The following SMARCA5 variants were observed in gnomAD, a reference collection of about 807,000 sequenced individuals.
SMARCA5 encodes SNF2 related chromatin remodeling ATPase 5.
SMARCA5 carries 18 observed loss-of-function variants against 140.4 expected under a neutral mutation model. The ratio of observed to expected loss-of-function variants is 0.13; its 90% confidence interval spans 0.09 to 0.19. The LOEUF is 0.19. SMARCA5 is among the 10% of genes least tolerant of loss of function. SMARCA5 has a pLI of 1.00. For missense variants in SMARCA5, 606 were observed against 1,276.8 expected, an observed-to-expected ratio of 0.47 and a Z score of 8.01; for synonymous variants, 449 against 419.6, an observed-to-expected ratio of 1.07 and a Z score of -0.86.
At chr4:143,517,294 C>T in intron 1 of SMARCA5, 61 bp from the exon 2 acceptor site, 2 of 1,262,982 alleles carry the variant, frequency 1.6e-6, no homozygotes, top group South Asian at 1.4e-5. Context: ...AGAAATTGGT[C>T]TATAATGGTA....
At chr4:143,545,904 G>T in intron 18 of SMARCA5, 21 bp from the exon 19 acceptor site, 1 of 1,589,534 alleles carries the variant, frequency 6.3e-7, no homozygotes, top group Non-Finnish European at 8.5e-7. Context: ...TGATTTGATG[G>T]CATAGAAAAA....
In SMARCA5 at chr4:143,544,713, TTTGAG is replaced by T. The variant is rs772678533; in HGVS notation, c.2173-20_2173-16del. On this transcript the variant is annotated intron_variant, in intron 16 of 23. Coordinates refer to ENST00000283131, the MANE Select transcript of SMARCA5 (RefSeq NM_003601.4). ...TACTGTGTATAATAAAAGTTGGTGA[TTTGAG>T]TTGTTTCCCATGTGCTAGATTGCAT... 1.5e-6 allele frequency: 2 copies of T among 1,310,998 alleles called. No homozygotes were observed. The highest frequency in any genetic ancestry group is 2.2e-6 in the Non-Finnish European group (2 of 918,146). The allele number at this position is 1,310,998 out of a possible 1,614,324, so 81.2% of individuals were successfully genotyped here.
chr4:143,542,756 G>A (rs1737454525), intron 14 of SMARCA5, among the ~76,000 whole-genome samples: 3 of 152,128 alleles, frequency 2.0e-5, no homozygotes, highest in Admixed American at 2.0e-4. Flanking sequence ...TTACAAGGTT[G>A]TCCAAACTCC....
chr4:143,515,470 C>A (rs1736809408), intron 1 of SMARCA5, among the ~76,000 whole-genome samples: 1 of 152,100 alleles, frequency 6.6e-6, no homozygotes, highest in African/African-American at 2.4e-5. Context: ...AGGGGTTTGA[C>A]ACAAAGCAAT....
intron 18 of SMARCA5, 150 bp from the exon 19 acceptor site, chr4:143,545,775 C>T: frequency 1.2e-6 from 1 of 857,794 alleles, no homozygotes; most frequent in Admixed American, 2.4e-5. Context: ...GACTTCATGA[C>T]CAATCTGGTT....
At chr4:143,530,668 C>T (rs753317476) in intron 9 of SMARCA5, 142 bp downstream of exon 9, 49 of 571,888 alleles carry the variant, frequency 8.6e-5, no homozygotes, top group East Asian at 2.8e-4. Context: ...TTAACTCTTA[C>T]ATCTTACAAT....
Position 143,517,363 on chromosome 4 carries a change from T to G in SMARCA5, c.186T>G (p.Phe62Leu). The G allele has an allele frequency of 6.2e-7, 1 of 1,604,710 alleles. No homozygotes were observed. The highest frequency in any genetic ancestry group is 8.5e-7 in the Non-Finnish European group (1 of 1,175,548). The change falls in exon 2 of 24, where the codon TTT (phenylalanine) becomes TTG (leucine). Residue 62 changes from phenylalanine to leucine, a missense_variant. By Grantham distance (22) the Phe-to-Leu change is conservative. Transcript: ENST00000283131. The part of the protein sequence containing the change: ...GPADAEMEEI[F>L]DDASPGKQKE... ...TTATTTCTTTCTACCAGGAAATATT[T>G]GATGATGCGTCACCTGGAAAGCAAA... is the stretch of plus-strand genomic sequence containing the variant.
chr4:143,536,756 A>G (rs1737313123), intron 11 of SMARCA5, 78 bp downstream of exon 11: 4 of 975,376 alleles, frequency 4.1e-6, no homozygotes, highest in South Asian at 2.8e-5. Context: ...GTACTTTGAA[A>G]TGACTGCTCT....
At chr4:143,516,551 G>A (rs2149815685) in intron 1 of SMARCA5, among the ~76,000 whole-genome samples, 1 of 152,092 alleles carries the variant, frequency 6.6e-6, no homozygotes, top group African/African-American at 2.4e-5. Context: ...ATGAACATAG[G>A]GTCACACAAG....
chr4:143,521,338 G>GTTT, intron 2 of SMARCA5, 91 bp from the exon 3 acceptor site: 1 of 727,938 alleles, frequency 1.4e-6, no homozygotes, highest in Non-Finnish European at 2.2e-6. Flanking sequence ...TTTTTTTGCT[G>GTTT]AGTTCATTGT....
chr4:143,540,291 T>G, intron 13 of SMARCA5, 72 bp from the exon 14 acceptor site: 1 of 1,195,856 alleles, frequency 8.4e-7, no homozygotes. Flanking sequence ...ATTTTTTTTC[T>G]CAGTGTACCC....
chr4:143,549,967 G>A lies in SMARCA5; in HGVS notation c.2986-30G>A, dbSNP rs1361955593. 1.1e-5 allele frequency: 13 copies of A among 1,225,414 alleles called. No individual in the cohort carries two copies. In the East Asian group the frequency reaches 1.2e-4, roughly 11 times the overall value. 75.9% of individuals were successfully genotyped at this position (1,225,414 alleles called of 1,614,324 possible). A position where few individuals can be genotyped will look rare whatever the true frequency, so the allele number is the denominator to read the frequency against. On this transcript the variant is annotated intron_variant, in intron 22 of 23. Transcript: ENST00000283131. ...AAATCATGAAACTTGTGGATGGAAA[G>A]TGCGTGTACCATGTTTGTTTATAAT...
rs764496764 is a variant in SMARCA5, at chr4:143,557,418, G to C, written c.*4234G>C. On this transcript the variant is annotated 3_prime_UTR_variant, in exon 24 of 24. Coordinates refer to ENST00000283131, the MANE Select transcript of SMARCA5 (RefSeq NM_003601.4). ...AGGAGTTTTTATGTATATAGATTGT[G>C]AATAAATTGGGAAAAGAAATAGAGA... 17 of 152,150 alleles carry C rather than the reference G, an allele frequency of 1.1e-4. No individual in the cohort carries two copies. Among genetic ancestry groups the C allele is most frequent in the Non-Finnish European group, 2.4e-4 (16 of 68,030 alleles). The allele number at this position is 152,150 out of a possible 1,614,324, so 9.4% of individuals were successfully genotyped here.
intron 22 of SMARCA5, among the ~76,000 whole-genome samples, chr4:143,548,405 T>TA (rs1416118704): frequency 6.6e-6 from 1 of 152,178 alleles, no homozygotes; most frequent in East Asian, 1.9e-4. Flanking sequence ...TTCTGAGTGT[T>TA]ACGACTTTTT....
intron 23 of SMARCA5, among the ~76,000 whole-genome samples, chr4:143,551,743 T>G (rs1466090751): frequency 6.6e-6 from 1 of 152,008 alleles, no homozygotes; most frequent in Non-Finnish European, 1.5e-5. Context: ...CTGGGTTCTC[T>G]GTTCTTTTCC....
intron 8 of SMARCA5, among the ~76,000 whole-genome samples, 160 bp from the exon 9 acceptor site, chr4:143,530,298 A>G (rs1737159372): frequency 6.6e-6 from 1 of 152,230 alleles, no homozygotes; most frequent in South Asian, 2.1e-4. Context: ...TTTTAAAATT[A>G]GTAACAATGA....
Position 143,513,818 on chromosome 4 carries a change from C to CG in SMARCA5, c.-106dup. The stretch of plus-strand genomic sequence containing the variant: ...CAGGGGAGCGCTCGGGTGGGAGTCT[C>CG]GCTCCTCCACCAGTTTATTGCGACG... On this transcript the variant is annotated 5_prime_UTR_variant, in exon 1 of 24. Transcript: ENST00000283131. 2 of 1,310,120 alleles carry CG rather than the reference C, an allele frequency of 1.5e-6. No homozygotes were observed. The highest frequency in any genetic ancestry group is 2.1e-6 in the Non-Finnish European group (2 of 970,278). 81.2% of individuals were successfully genotyped at this position (1,310,120 alleles called of 1,614,324 possible).
chr4:143,553,284 T>G lies in SMARCA5; in HGVS notation c.*100T>G. The G allele has an allele frequency of 1.2e-6, 1 of 812,542 alleles. No individual in the cohort carries two copies. Among genetic ancestry groups the G allele is most frequent in the South Asian group, 1.5e-5 (1 of 66,624 alleles). 50.3% of individuals were successfully genotyped at this position (812,542 alleles called of 1,614,324 possible). ...TACAATGCTCAATTGTTATGTCATT[T>G]AAAGACATCAGGTTCATCTGTTTAC... is the stretch of plus-strand genomic sequence containing the variant. On this transcript the variant is annotated 3_prime_UTR_variant, in exon 24 of 24. Transcript: ENST00000283131.
intron 1 of SMARCA5, among the ~76,000 whole-genome samples, chr4:143,516,508 T>C (rs1486009177): frequency 6.6e-6 from 1 of 152,176 alleles, no homozygotes; most frequent in African/African-American, 2.4e-5. Context: ...GTAGGTGGCT[T>C]TGTCACTTAC....
Sources: gnomAD v4.1 joint callset for allele counts (sites outside exome capture counted in the v4.1 genomes callset) on GRCh38, gnomAD v4.1.1 for gene constraint, MANE v1.5 for transcripts, NCBI Gene and HGNC (gene_info 2026-07-23, HGNC 2026-07-21) for gene names.